Variants in PALLD observed in about 807,000 individuals in gnomAD.
PALLD encodes palladin, cytoskeletal associated protein.
PALLD carries 61 observed loss-of-function variants against 123.5 expected under a neutral mutation model. The observed-to-expected ratio is 0.49, with a 90% CI of 0.40 to 0.61. PALLD has a LOEUF of 0.61. Ranked by LOEUF, PALLD falls within the 20% of genes least tolerant of loss-of-function variation. The pLI, the probability that PALLD is intolerant of heterozygous loss-of-function variation, is 0.00. For missense variants in PALLD, 1,273 were observed against 1,377.0 expected (o/e 0.92, Z 1.20); for synonymous variants, 465 against 496.4 (o/e 0.94, Z 0.84).
intron 2 of PALLD, among the ~76,000 whole-genome samples, chr4:168,558,474 C>G (rs1381861848): frequency 1.3e-5 from 2 of 152,114 alleles, no homozygotes; most frequent in Non-Finnish European, 2.9e-5. Context: ...AGATAACACC[C>G]CTCCCTCAGC....
At chr4:168,817,483 G>T (rs1482407241) in intron 10 of PALLD, among the ~76,000 whole-genome samples, 2 of 152,162 alleles carry the variant, frequency 1.3e-5, no homozygotes, top group Non-Finnish European at 2.9e-5. Context: ...TAAATATGTT[G>T]ATAGTTACTG....
chr4:168,713,749 A>G (rs961873758), intron 10 of PALLD, among the ~76,000 whole-genome samples: 6 of 150,418 alleles, frequency 4.0e-5, no homozygotes, highest in Non-Finnish European at 7.4e-5. Flanking sequence ...AAATATGAAT[A>G]TATATAAATA....
chr4:168,715,207 C>T (rs1218477329), intron 10 of PALLD, among the ~76,000 whole-genome samples: 10 of 152,108 alleles, frequency 6.6e-5, no homozygotes, highest in Admixed American at 5.9e-4. Context: ...GTGGGGGTTC[C>T]TGGCTTAGTA....
intron 10 of PALLD, among the ~76,000 whole-genome samples, chr4:168,717,832 A>C (rs1241025838): frequency 6.6e-6 from 1 of 152,240 alleles, no homozygotes; most frequent in Non-Finnish European, 1.5e-5. Context: ...TGTCCAAGTT[A>C]CTTAATTTGG....
chr4:168,577,513 A>G (rs965645693), intron 2 of PALLD, among the ~76,000 whole-genome samples: 4 of 152,194 alleles, frequency 2.6e-5, no homozygotes, highest in African/African-American at 9.6e-5. Context: ...AACATTTGTT[A>G]GCACCCATTT....
intron 2 of PALLD, among the ~76,000 whole-genome samples, chr4:168,591,295 G>C (rs547435811): frequency 6.6e-6 from 1 of 152,310 alleles, no homozygotes; most frequent in South Asian, 2.1e-4. Context: ...GTAATACTAT[G>C]AGTCTGCCTG....
Position 168,844,759 on chromosome 4 carries a change from A to C in PALLD, c.1965-46163A>C, listed in dbSNP as rs925343663. On this transcript the variant is annotated intron_variant, in intron 10 of 21. Transcript: ENST00000505667. This position sits in a 1 kb window ranked among gnomAD's most constrained non-coding sequence, Gnocchi z 4.5. ...TATTAACGTGCTTGAAAGTCTTTCC[A>C]AATGCTTCAAAAAGCTAGCAGACAC... The C allele has an allele frequency of 2.0e-5, 3 of 152,242 alleles. No homozygotes were observed. The highest frequency in any genetic ancestry group is 7.2e-5 in the African/African-American group (3 of 41,458). 9.4% of individuals were successfully genotyped at this position (152,242 alleles called of 1,614,324 possible). A position where few individuals can be genotyped will look rare whatever the true frequency, so the allele number is the denominator to read the frequency against.
In PALLD at chr4:168,681,403, G is replaced by A; in HGVS notation, c.1154+5G>A. Reference sequence around the variant, plus strand: ...AAGAGCTGGAGCTATGCCACAGTAAGTGCCTACAATTCCATCGATTATGTG... The same window carrying A: ...AAGAGCTGGAGCTATGCCACAGTAAATGCCTACAATTCCATCGATTATGTG... On this transcript the variant is annotated splice_donor_5th_base_variant and intron_variant, in intron 4 of 21. Transcript: ENST00000505667. 6.3e-7 allele frequency: 1 copy of A among 1,574,912 alleles called. No individual in the cohort carries two copies. Among genetic ancestry groups the A allele is most frequent in the Non-Finnish European group, 8.7e-7 (1 of 1,144,718 alleles).
intron 10 of PALLD, among the ~76,000 whole-genome samples, chr4:168,718,837 T>G (rs1234159161): frequency 6.6e-6 from 1 of 152,230 alleles, no homozygotes; most frequent in Non-Finnish European, 1.5e-5. Flanking sequence ...TAAAAAGTCT[T>G]ATTTTTAAGT....
chr4:168,764,299 A>G lies in PALLD; in HGVS notation c.1964+52376A>G, dbSNP rs374305595. Among the ~76,000 whole-genome samples the G allele has an allele frequency of 5.3e-5, 8 of 152,284 alleles. No homozygotes were observed. The East Asian group carries it at 1.5e-3, about 29-fold the overall frequency. On this transcript the variant is annotated intron_variant, in intron 10 of 21. Transcript: ENST00000505667. ...CAGGACCAATTTCTATCATTTTCCT[A>G]TAAGTAATGTATTTCTATATTACAT...
At chr4:168,899,505 C>A (rs1755986561) in intron 14 of PALLD, among the ~76,000 whole-genome samples, 1 of 152,048 alleles carries the variant, frequency 6.6e-6, no homozygotes, top group Non-Finnish European at 1.5e-5. Flanking sequence ...TTCTTAGAAG[C>A]AAGCAAAAAG....
intron 10 of PALLD, chr4:168,863,785 A>G (rs1461039978): frequency 6.6e-6 from 1 of 152,228 alleles, no homozygotes; most frequent in African/African-American, 2.4e-5. Context: ...AAAGAAAAAA[A>G]TCACCAGTAA....
intron 1 of PALLD, among the ~76,000 whole-genome samples, chr4:168,501,704 G>A (rs1363678023): frequency 6.6e-6 from 1 of 152,100 alleles, no homozygotes; most frequent in Non-Finnish European, 1.5e-5. Context: ...AGGTGACATG[G>A]CAGCTGCCCC....
chr4:168,639,669 G>A (rs1776715348), intron 2 of PALLD, among the ~76,000 whole-genome samples: 1 of 151,650 alleles, frequency 6.6e-6, no homozygotes, highest in Non-Finnish European at 1.5e-5. Flanking sequence ...TCAGCCTCCT[G>A]AGTAGCTGGG....
intron 8 of PALLD, among the ~76,000 whole-genome samples, chr4:168,695,764 A>G (rs1036382352): frequency 2.0e-5 from 3 of 152,192 alleles, no homozygotes; most frequent in Admixed American, 6.5e-5. Flanking sequence ...CTTTCAATTT[A>G]TATGTATTTT....
chr4:168,900,071 A>G (rs1756159247), intron 14 of PALLD, among the ~76,000 whole-genome samples: 2 of 152,220 alleles, frequency 1.3e-5, no homozygotes, highest in Non-Finnish European at 2.9e-5. Flanking sequence ...ACACAGCAAG[A>G]GTAGGAGCAA....
chr4:168,916,075 C>T, intron 17 of PALLD, 48 bp downstream of exon 17: 1 of 1,563,980 alleles, frequency 6.4e-7, no homozygotes. Context: ...ACTTCTCCCT[C>T]ACTTGCCATT....
chr4:168,793,721 A>G (rs113674655), intron 10 of PALLD, among the ~76,000 whole-genome samples: 1 of 152,208 alleles, frequency 6.6e-6, no homozygotes, highest in Non-Finnish European at 1.5e-5. Flanking sequence ...ACGCACAGGA[A>G]GAGCACAGCC....
At chr4:168,568,356 GTCAT>G (rs1312400607) in intron 2 of PALLD, among the ~76,000 whole-genome samples, 4 of 151,844 alleles carry the variant, frequency 2.6e-5, no homozygotes, top group Non-Finnish European at 5.9e-5. Context: ...CTAAAAATTG[GTCAT>G]TAAAGGCATA....
Sources: gnomAD v4.1 joint callset for allele counts (sites outside exome capture counted in the v4.1 genomes callset) on GRCh38, gnomAD v4.1.1 for gene constraint, Gnocchi (gnomAD v3.1) non-coding constraint, MANE v1.5 for transcripts, NCBI Gene and HGNC (gene_info 2026-07-23, HGNC 2026-07-21) for gene names.